PAX5: variants seen among roughly 807,000 people sequenced by gnomAD.
PAX5 encodes the protein paired box protein Pax-5.
PAX5 carries 9 observed loss-of-function variants against 43.7 expected under a neutral mutation model. That is an observed-to-expected ratio of 0.21 (90% confidence interval 0.12 to 0.36). The LOEUF is 0.36. Among genes scored for constraint, PAX5 ranks in the 10% least tolerant of loss-of-function variants. The pLI is 1.00. For synonymous variants in PAX5, 228 were observed against 214.3 expected, an observed-to-expected ratio of 1.06 and a Z score of -0.56; for missense variants, 383 against 532.7, an observed-to-expected ratio of 0.72 and a Z score of 2.77.
Position 37,031,527 on chromosome 9 carries a change from C to T in PAX5, c.46+2459G>A, listed in dbSNP as rs59627012. On this transcript the variant is annotated intron_variant, in intron 1 of 9. Transcript: ENST00000358127. ...ATGGCAAGGAGAGACTACTACTTGT[C>T]CAAGTAGTAGTTTTTCTCCAAGGGG... Among the ~76,000 whole-genome samples the T allele has an allele frequency of 1.6e-4, 25 of 152,164 alleles. No individual in the cohort carries two copies. The East Asian group carries it at 1.7e-3, about 11-fold the overall frequency.
chr9:37,019,359 GC>G (rs1839665746), intron 2 of PAX5, among the ~76,000 whole-genome samples: 1 of 152,132 alleles, frequency 6.6e-6, no homozygotes, highest in South Asian at 2.1e-4. Context: ...TTTGCTGAGT[GC>G]TAAACAGGAG....
At chr9:36,850,470 G>C (rs1037872105) in intron 8 of PAX5, among the ~76,000 whole-genome samples, 1 of 152,200 alleles carries the variant, frequency 6.6e-6, no homozygotes, top group African/African-American at 2.4e-5. Context: ...TCTGTCTTTT[G>C]TTGCGGCCTC....
intron 6 of PAX5, among the ~76,000 whole-genome samples, chr9:36,948,087 C>T (rs1832700401): frequency 6.6e-6 from 1 of 152,236 alleles, no homozygotes. Flanking sequence ...CAGCTCTGTG[C>T]TAGCATATCG....
chr9:36,845,762 C>G (rs924382886), intron 9 of PAX5, among the ~76,000 whole-genome samples: 1 of 152,166 alleles, frequency 6.6e-6, no homozygotes, highest in African/African-American at 2.4e-5. Flanking sequence ...ATTACATGGC[C>G]TTTTTCACAG....
intron 7 of PAX5, chr9:36,893,491 C>G (rs1464670807): frequency 6.5e-6 from 1 of 153,480 alleles, no homozygotes. Flanking sequence ...CTTCCTGGCA[C>G]CAACTCTGGA....
chr9:36,895,191 G>A (rs150938874), intron 7 of PAX5, among the ~76,000 whole-genome samples: 138 of 152,334 alleles, frequency 9.1e-4, no homozygotes, highest in Non-Finnish European at 1.6e-3. Flanking sequence ...AGGCGCAGAG[G>A]GAAGCAGGCC....
intron 5 of PAX5, among the ~76,000 whole-genome samples, chr9:36,975,746 T>A (rs567108599): frequency 6.6e-6 from 1 of 152,328 alleles, no homozygotes; most frequent in East Asian, 1.9e-4. Context: ...GGGATAATAA[T>A]AGTATCTGGA....
intron 8 of PAX5, among the ~76,000 whole-genome samples, chr9:36,865,641 G>A (rs776659785): frequency 3.3e-5 from 5 of 152,144 alleles, no homozygotes; most frequent in African/African-American, 9.7e-5. Flanking sequence ...GACCCCACAC[G>A]GCCAGCTCAC....
intron 7 of PAX5, among the ~76,000 whole-genome samples, chr9:36,885,749 G>A (rs3824339): frequency 0.26 from 40,270 of 152,110 alleles, 5,912 homozygotes; most frequent in East Asian, 0.57. Context: ...TGTGAGAAGC[G>A]CATGGCACAG....
intron 5 of PAX5, among the ~76,000 whole-genome samples, chr9:37,000,795 G>T (rs1233595208): frequency 6.6e-6 from 1 of 152,130 alleles, no homozygotes. Context: ...TTAAACTGAG[G>T]TGAAATCACC....
Position 36,875,347 on chromosome 9 carries a change from A to G in PAX5, c.1012+6657T>C, listed in dbSNP as rs543424445. Among the ~76,000 whole-genome samples, 24 of 152,366 alleles carry G rather than the reference A, an allele frequency of 1.6e-4. No individual in the cohort carries two copies. The South Asian group carries it at 5.0e-3, about 32-fold the overall frequency. Reference sequence around the variant, plus strand: ...CCGGGAACTAAGGACACAACTGTGAACAAAACAGACATAGCCTTGATTATT... The same window carrying G: ...CCGGGAACTAAGGACACAACTGTGAGCAAAACAGACATAGCCTTGATTATT... On this transcript the variant is annotated intron_variant, in intron 8 of 9. Transcript: ENST00000358127.
intron 7 of PAX5, among the ~76,000 whole-genome samples, chr9:36,914,089 C>T (rs1220191985): frequency 6.6e-6 from 1 of 152,200 alleles, no homozygotes; most frequent in Non-Finnish European, 1.5e-5. Flanking sequence ...TTCTCCCTGC[C>T]TGAGGGGTGT....
At position 36,835,886 on chromosome 9, in the gene PAX5, T is replaced by C. The variant is rs1821608929; in HGVS notation, c.*4674A>G. ...CCTGGCCTGGCCGTGGGGCAGGAGTTGGTTTCCACCCTCCCGGGAAGCTGT... is the reference window on the plus strand; with the variant it reads ...CCTGGCCTGGCCGTGGGGCAGGAGTCGGTTTCCACCCTCCCGGGAAGCTGT... On this transcript the variant is annotated 3_prime_UTR_variant, in exon 10 of 10. Coordinates refer to ENST00000358127, the MANE Select transcript of PAX5 (RefSeq NM_016734.3). 4.3e-6 allele frequency: 1 copy of C among 233,422 alleles called. No homozygotes were observed. The highest frequency in any genetic ancestry group is 8.5e-6 in the Non-Finnish European group (1 of 118,320). The allele number at this position is 233,422 out of a possible 1,614,324, so 14.5% of individuals were successfully genotyped here.
At chr9:36,862,078 G>T (rs1824269452) in intron 8 of PAX5, among the ~76,000 whole-genome samples, 2 of 152,208 alleles carry the variant, frequency 1.3e-5, no homozygotes, top group East Asian at 3.9e-4. Flanking sequence ...GGGGCCAGGT[G>T]TGTGGAGGCA....
chr9:36,969,153 C>G (rs10814490), intron 5 of PAX5, among the ~76,000 whole-genome samples: 1 of 151,652 alleles, frequency 6.6e-6, no homozygotes, highest in South Asian at 2.1e-4. Flanking sequence ...CCCTGCCAGC[C>G]GGGCCCAAAA....
chr9:36,935,168 G>C (rs1187418617), intron 6 of PAX5, among the ~76,000 whole-genome samples: 1 of 152,148 alleles, frequency 6.6e-6, no homozygotes, highest in Admixed American at 6.5e-5. Flanking sequence ...GATCATCTGA[G>C]ATTGTGAGTT....
intron 8 of PAX5, among the ~76,000 whole-genome samples, chr9:36,863,783 T>G (rs1392834664): frequency 6.6e-6 from 1 of 152,100 alleles, no homozygotes; most frequent in Non-Finnish European, 1.5e-5. Flanking sequence ...GGTCGGGGAA[T>G]GAAAGGCAAT....
intron 5 of PAX5, among the ~76,000 whole-genome samples, chr9:36,982,436 A>T (rs1481687920): frequency 2.0e-5 from 3 of 152,130 alleles, no homozygotes; most frequent in Admixed American, 6.5e-5. Flanking sequence ...GCCCTCAGGG[A>T]GCCCATACTC....
intron 5 of PAX5, among the ~76,000 whole-genome samples, chr9:36,977,456 G>A (rs1220703678): frequency 1.3e-5 from 2 of 152,158 alleles, no homozygotes; most frequent in Non-Finnish European, 2.9e-5. Context: ...ATCCAGACTA[G>A]GGGCAAGTGT....
Sources: allele counts gnomAD v4.1 joint callset (sites outside exome capture counted in the v4.1 genomes callset), GRCh38; gene constraint gnomAD v4.1.1; transcripts MANE v1.5; gene names NCBI Gene and HGNC (gene_info 2026-07-23, HGNC 2026-07-21).